DENND1A: variants seen among roughly 807,000 people sequenced by gnomAD.
The protein encoded by DENND1A is DENN domain containing 1A.
A neutral mutation model predicts 113.7 loss-of-function variants in DENND1A; 51 were observed. The observed-to-expected ratio is 0.45, with a 90% CI of 0.36 to 0.57. The LOEUF (loss-of-function observed/expected upper bound fraction) is 0.57. Among genes scored for constraint, DENND1A ranks in the 20% least tolerant of loss-of-function variants. DENND1A has a pLI of 0.00. For missense variants in DENND1A, 1,258 were observed against 1,395.9 expected (o/e 0.90, Z 1.57); for synonymous variants, 565 against 570.8 (o/e 0.99, Z 0.14).
At chr9:123,772,530 G>C (rs1055332273) in intron 3 of DENND1A, among the ~76,000 whole-genome samples, 4 of 152,002 alleles carry the variant, frequency 2.6e-5, no homozygotes, top group African/African-American at 9.7e-5. Flanking sequence ...AACCAGCCTC[G>C]GTGCAACTTC....
chr9:123,471,158 A>G (rs541777944), intron 13 of DENND1A, among the ~76,000 whole-genome samples: 1 of 152,348 alleles, frequency 6.6e-6, no homozygotes, highest in South Asian at 2.1e-4. Context: ...TCTCATAGAG[A>G]AATGTGTCAC....
At chr9:123,668,439 C>G (rs2063596343) in intron 7 of DENND1A, among the ~76,000 whole-genome samples, 1 of 152,172 alleles carries the variant, frequency 6.6e-6, no homozygotes, top group Non-Finnish European at 1.5e-5. Context: ...GGCATTATGT[C>G]TAGTACTCTG....
chr9:123,723,105 G>A (rs970131964), intron 5 of DENND1A, among the ~76,000 whole-genome samples: 1 of 152,236 alleles, frequency 6.6e-6, no homozygotes. Flanking sequence ...AGCATGACCT[G>A]GATGTGAGAC....
intron 7 of DENND1A, among the ~76,000 whole-genome samples, chr9:123,668,864 A>G (rs2063621559): frequency 6.6e-6 from 1 of 152,210 alleles, no homozygotes; most frequent in Non-Finnish European, 1.5e-5. Context: ...GAAAAGTAAT[A>G]TGCAAGGTTC....
intron 19 of DENND1A, among the ~76,000 whole-genome samples, chr9:123,416,458 G>A (rs1024665221): frequency 2.5e-4 from 38 of 152,240 alleles, no homozygotes; most frequent in African/African-American, 8.9e-4. Flanking sequence ...AACTGGAAGA[G>A]CTTTAAAGTA....
intron 1 of DENND1A, among the ~76,000 whole-genome samples, chr9:123,901,089 T>C (rs1057067401): frequency 5.9e-5 from 9 of 152,244 alleles, no homozygotes; most frequent in African/African-American, 2.2e-4. Flanking sequence ...TGTATGGATT[T>C]TAATCTGGAA....
intron 13 of DENND1A, among the ~76,000 whole-genome samples, chr9:123,515,962 C>A (rs1272692534): frequency 6.6e-6 from 1 of 152,074 alleles, no homozygotes; most frequent in African/African-American, 2.4e-5. Context: ...CACCTGTTGT[C>A]CCAGCTACTT....
rs542107100 is a variant in DENND1A, at chr9:123,379,685, C to G, written c.*1747G>C. The G allele has an allele frequency of 1.4e-4, 21 of 152,430 alleles. No homozygotes were observed. The highest frequency in any genetic ancestry group is 5.0e-4 in the African/African-American group (21 of 41,606). 9.4% of individuals were successfully genotyped at this position (152,430 alleles called of 1,614,324 possible). A position where few individuals can be genotyped will look rare whatever the true frequency, so the allele number is the denominator to read the frequency against. On this transcript the variant is annotated 3_prime_UTR_variant, in exon 24 of 24. Transcript: ENST00000394215. ...CCCCAAGATGATTTTATTGAATGCA[C>G]ACAAAGTTCATCCTTGGGTTTGCAA...
chr9:123,386,388 T>C (rs901309692), intron 22 of DENND1A, among the ~76,000 whole-genome samples: 13 of 151,030 alleles, frequency 8.6e-5, no homozygotes, highest in African/African-American at 3.2e-4. Flanking sequence ...TTTCTTTTTT[T>C]TTTTTTTTTT....
At chr9:123,928,566 T>C (rs1358012970) in intron 1 of DENND1A, 15 of 985,268 alleles carry the variant, frequency 1.5e-5, no homozygotes, top group Non-Finnish European at 1.8e-5. Flanking sequence ...TTTAACAGAG[T>C]GTTCATGCGA....
intron 13 of DENND1A, among the ~76,000 whole-genome samples, chr9:123,534,618 T>G (rs2055581622): frequency 7.1e-6 from 1 of 140,828 alleles, no homozygotes; most frequent in Non-Finnish European, 1.6e-5. Flanking sequence ...TTCTTGTTGC[T>G]CCACACACCT....
Position 123,382,286 on chromosome 9 carries a change from C to T in DENND1A, c.2359G>A (p.Ala787Thr). 6.2e-7 allele frequency: 1 copy of T among 1,611,066 alleles called. No individual in the cohort carries two copies. The highest frequency in any genetic ancestry group is 1.7e-5 in the Admixed American group (1 of 59,896). ...PPIPRPAKLQAAGAALGDVSE... is the reference protein window; with the variant it reads ...PPIPRPAKLQTAGAALGDVSE... ...ACGTCACCAAGTGCGGCGCCGGCAG[C>T]CTGGAGCTTGGCCGGGCGGGGAATG... The change falls in exon 24 of 24, where the codon GCT becomes ACT. Residue 787 changes from alanine to threonine, a missense_variant. By Grantham distance (58) the Ala-to-Thr change is moderately conservative. Transcript: ENST00000394215.
chr9:123,473,344 A>G (rs1345783317), intron 13 of DENND1A, among the ~76,000 whole-genome samples: 1 of 152,110 alleles, frequency 6.6e-6, no homozygotes, highest in African/African-American at 2.4e-5. Context: ...GCGGAGGGAG[A>G]CAGGGAACAC....
intron 1 of DENND1A, among the ~76,000 whole-genome samples, chr9:123,892,889 G>A (rs928733280): frequency 6.6e-6 from 1 of 152,170 alleles, no homozygotes; most frequent in African/African-American, 2.4e-5. Context: ...GGCTGAGGCA[G>A]GAGAATTGCT....
At chr9:123,560,417 G>C (rs1383767749) in intron 12 of DENND1A, among the ~76,000 whole-genome samples, 1 of 152,210 alleles carries the variant, frequency 6.6e-6, no homozygotes, top group Non-Finnish European at 1.5e-5. Context: ...TGATAAGTTA[G>C]AAGCCATGGG....
chr9:123,467,443 C>T (rs2049047999), intron 13 of DENND1A, among the ~76,000 whole-genome samples: 1 of 152,108 alleles, frequency 6.6e-6, no homozygotes, highest in Non-Finnish European at 1.5e-5. Context: ...CTCACGAGGT[C>T]AAGAGATGGA....
chr9:123,820,595 T>C (rs1838299773), intron 2 of DENND1A, among the ~76,000 whole-genome samples: 1 of 152,208 alleles, frequency 6.6e-6, no homozygotes, highest in East Asian at 1.9e-4. Flanking sequence ...GCCCAGCCAA[T>C]CCACAGAAGC....
chr9:123,705,861 G>A (rs899568280), intron 5 of DENND1A, among the ~76,000 whole-genome samples: 9 of 152,110 alleles, frequency 5.9e-5, no homozygotes, highest in Non-Finnish European at 7.4e-5. Context: ...CATCCAAGAA[G>A]AAAAGAAGAC....
At chr9:123,876,257 G>A (rs1008220056) in intron 2 of DENND1A, among the ~76,000 whole-genome samples, 3 of 152,136 alleles carry the variant, frequency 2.0e-5, no homozygotes, top group African/African-American at 7.2e-5. Context: ...ATTCTAGGCT[G>A]AAAGGAAGTA....
Sources: allele counts gnomAD v4.1 joint callset (sites outside exome capture counted in the v4.1 genomes callset), GRCh38; gene constraint gnomAD v4.1.1; transcripts MANE v1.5; gene names NCBI Gene and HGNC (gene_info 2026-07-23, HGNC 2026-07-21).